Variants in STK3 observed in about 807,000 individuals in gnomAD.
STK3 encodes serine/threonine-protein kinase 3.
Under a neutral mutation model 58.0 loss-of-function variants are expected in STK3, and 41 were observed. That is an observed-to-expected ratio of 0.71 (90% confidence interval 0.55 to 0.92). The LOEUF (loss-of-function observed/expected upper bound fraction) is 0.92, where lower values mean the gene tolerates loss of function less well. STK3 is among the 40% of genes least tolerant of loss of function. The pLI is 0.00. For synonymous variants in STK3, 170 were observed against 191.0 expected (o/e 0.89, Z 0.91); for missense variants, 479 against 602.7 (o/e 0.79, Z 2.15).
chr8:98,680,981 C>CTTTTT (rs371666746), intron 6 of STK3, among the ~76,000 whole-genome samples: 2 of 124,764 alleles, frequency 1.6e-5, no homozygotes, highest in Non-Finnish European at 1.7e-5. Flanking sequence ...CCCCACCTTT[C>CTTTTT]TTTTTTTTTT....
intron 4 of STK3, among the ~76,000 whole-genome samples, chr8:98,716,123 G>A (rs576750197): frequency 5.3e-5 from 8 of 152,172 alleles, no homozygotes; most frequent in East Asian, 3.9e-4. Context: ...ATCACACACC[G>A]GGGCCTGTTG....
Position 98,690,445 on chromosome 8 carries a change from C to T in STK3, c.684+16022G>A, listed in dbSNP as rs927996584. On this transcript the variant is annotated intron_variant, in intron 6 of 10. Transcript: ENST00000419617. ...AAGAATGCAATGCCATTTACAATTC[C>T]TACCAAAAAAAAAAAAAAAACAACC... Among the ~76,000 whole-genome samples, 25 of 130,164 alleles carry T rather than the reference C, an allele frequency of 1.9e-4. 1 individual carries two copies. Among genetic ancestry groups the T allele is most frequent in the African/African-American group, 6.7e-4 (24 of 35,564 alleles). The allele number at this position is 130,164 out of a possible 152,430, so 85.4% of individuals were successfully genotyped here. A position where few individuals can be genotyped will look rare whatever the true frequency, so the allele number is the denominator to read the frequency against.
At chr8:98,372,302 C>T (rs1055479465) in intron 2 of STK3, among the ~76,000 whole-genome samples, 5 of 152,156 alleles carry the variant, frequency 3.3e-5, no homozygotes, top group Non-Finnish European at 7.4e-5. Flanking sequence ...TGTTAAGGAA[C>T]CCTGGGAAAC....
At chr8:98,506,767 C>T (rs190348213) in intron 10 of STK3, among the ~76,000 whole-genome samples, 2 of 152,246 alleles carry the variant, frequency 1.3e-5, no homozygotes, top group Admixed American at 1.3e-4. Context: ...ACGAATGCAG[C>T]TCCAGATACT....
chr8:98,773,070 CAT>C (rs60989291), intron 2 of STK3, among the ~76,000 whole-genome samples: 4,574 of 152,184 alleles, frequency 0.03, 104 homozygotes, highest in South Asian at 0.068. Flanking sequence ...AATATATATG[CAT>C]AGTTATATAG....
Position 98,428,495 on chromosome 8 carries a change from G to C in STK3, n.483+5632C>G. ...AGCCCCTCGGCAACTTCCGCAGGCAGCTGTGGCTGGCGCTGGACAACCCCG... is the reference window on the plus strand; with the variant it reads ...AGCCCCTCGGCAACTTCCGCAGGCACCTGTGGCTGGCGCTGGACAACCCCG... On this transcript the variant is annotated intron_variant and non_coding_transcript_variant, in intron 3 of 3. Transcript: ENST00000517832. This position sits in a 1 kb window ranked among gnomAD's most constrained non-coding sequence, Gnocchi z 6.7. The C allele has an allele frequency of 6.2e-7, 1 of 1,614,104 alleles. No homozygotes were observed. The highest frequency in any genetic ancestry group is 1.1e-5 in the South Asian group (1 of 91,084).
At chr8:98,602,740 C>T (rs574299041) in intron 6 of STK3, among the ~76,000 whole-genome samples, 1 of 152,136 alleles carries the variant, frequency 6.6e-6, no homozygotes, top group South Asian at 2.1e-4. Context: ...AAAGGCTTAA[C>T]CTCCAAAGAG....
chr8:98,893,075 AG>A (rs763130329), intron 1 of STK3, among the ~76,000 whole-genome samples: 13 of 152,240 alleles, frequency 8.5e-5, no homozygotes, highest in Admixed American at 2.6e-4. Flanking sequence ...TTGCTTAGAT[AG>A]GGGTCCTTTC....
intron 3 of STK3, among the ~76,000 whole-genome samples, chr8:98,859,492 A>G (rs1836847221): frequency 6.6e-6 from 1 of 152,220 alleles, no homozygotes; most frequent in Non-Finnish European, 1.5e-5. Flanking sequence ...GGGCACAGGA[A>G]TCTAGGCGTC....
chr8:98,760,407 T>G (rs916650526), intron 3 of STK3, among the ~76,000 whole-genome samples: 10 of 152,336 alleles, frequency 6.6e-5, no homozygotes, highest in African/African-American at 2.4e-4. Flanking sequence ...CCCAAAGCAC[T>G]GGAATTACAG....
At chr8:98,857,975 A>G (rs1425941691) in intron 3 of STK3, among the ~76,000 whole-genome samples, 2 of 152,158 alleles carry the variant, frequency 1.3e-5, no homozygotes, top group Non-Finnish European at 2.9e-5. Context: ...GTGTTGAAAA[A>G]TATGATAATT....
intron 10 of STK3, among the ~76,000 whole-genome samples, chr8:98,508,006 T>C (rs559007863): frequency 8.5e-5 from 13 of 152,344 alleles, no homozygotes; most frequent in Non-Finnish European, 1.2e-4. Flanking sequence ...GCAAACTGTA[T>C]ACTTTACTAA....
chr8:98,609,780 G>GAAACCCCGTC (rs1817047686), intron 6 of STK3, among the ~76,000 whole-genome samples: 1 of 151,974 alleles, frequency 6.6e-6, no homozygotes, highest in South Asian at 2.1e-4. Context: ...CTAACACAGT[G>GAAACCCCGTC]AAACCCCGTC....
intron 7 of STK3, among the ~76,000 whole-genome samples, chr8:98,588,277 CT>C (rs1330602510): frequency 6.6e-6 from 1 of 151,634 alleles, no homozygotes; most frequent in Non-Finnish European, 1.5e-5. Context: ...TTCAGGAGCT[CT>C]TTTAGGGCAG....
chr8:98,659,827 T>TAA (rs1206280943), intron 6 of STK3, among the ~76,000 whole-genome samples: 1 of 151,694 alleles, frequency 6.6e-6, no homozygotes, highest in East Asian at 1.9e-4. Context: ...ATATAACCAT[T>TAA]AAAATGACTT....
intron 10 of STK3, among the ~76,000 whole-genome samples, chr8:98,507,619 C>A (rs1194436404): frequency 6.6e-6 from 1 of 152,176 alleles, no homozygotes; most frequent in Admixed American, 6.5e-5. Flanking sequence ...CTTTACAATA[C>A]CTTCAGAAGC....
chr8:98,568,126 AT>A (rs1389209904), intron 8 of STK3, among the ~76,000 whole-genome samples: 1 of 149,500 alleles, frequency 6.7e-6, no homozygotes, highest in Non-Finnish European at 1.5e-5. Flanking sequence ...GATTTAAAAA[AT>A]AAAATAAAAA....
At position 98,846,774 on chromosome 8, in the gene STK3, G is replaced by A. The variant is rs146311745; in HGVS notation, c.110+36873C>T. ...GTACCATATGTCCACTGGATGTGGA[G>A]AGACTGTTCCCAAACACAAAAGGTG... is the stretch of plus-strand genomic sequence containing the variant. On this transcript the variant is annotated intron_variant, in intron 3 of 12. Transcript: ENST00000523601. Among the ~76,000 whole-genome samples the A allele has an allele frequency of 8.6e-3, 1,308 of 152,118 alleles. 12 individuals are homozygous for A. Among genetic ancestry groups the A allele is most frequent in the African/African-American group, 0.03 (1,229 of 41,468 alleles).
intron 1 of STK3, among the ~76,000 whole-genome samples, chr8:98,780,241 A>G (rs546873707): frequency 6.6e-6 from 1 of 152,102 alleles, no homozygotes; most frequent in Admixed American, 6.6e-5. Flanking sequence ...AGTTTGTACT[A>G]ATTTATTCTC....
Sources: allele counts gnomAD v4.1 joint callset (sites outside exome capture counted in the v4.1 genomes callset), GRCh38; gene constraint gnomAD v4.1.1; non-coding constraint Gnocchi (gnomAD v3.1); transcripts MANE v1.5; gene names NCBI Gene and HGNC (gene_info 2026-07-23, HGNC 2026-07-21).